CDKAL1: variants seen among roughly 807,000 people sequenced by gnomAD.
The protein encoded by CDKAL1 is CDKAL1 threonylcarbamoyladenosine tRNA methylthiotransferase, also known as threonylcarbamoyladenosine tRNA methylthiotransferase.
CDKAL1 carries 32 observed loss-of-function variants against 68.2 expected under a neutral mutation model. The observed-to-expected ratio is 0.47, with a 90% confidence interval of 0.35 to 0.63. The LOEUF is 0.63. Among genes scored for constraint, CDKAL1 ranks in the 30% least tolerant of loss-of-function variants. The pLI is 0.00. For synonymous variants in CDKAL1, 234 were observed against 244.3 expected, an observed-to-expected ratio of 0.96 and a Z score of 0.39; for missense variants, 606 against 696.7, an observed-to-expected ratio of 0.87 and a Z score of 1.47.
At chr6:21,016,967 G>A (rs560674481) in intron 11 of CDKAL1, among the ~76,000 whole-genome samples, 17 of 152,184 alleles carry the variant, frequency 1.1e-4, no homozygotes, top group African/African-American at 3.6e-4. Context: ...AAATAAAAAC[G>A]TTGTATTTCT....
At chr6:20,677,995 A>G (rs1156348868) in intron 5 of CDKAL1, among the ~76,000 whole-genome samples, 2 of 151,548 alleles carry the variant, frequency 1.3e-5, no homozygotes, top group Admixed American at 6.6e-5. Context: ...TTTGTGATTT[A>G]TCATTTTGTG....
At chr6:21,064,379 C>A (rs562982116) in intron 11 of CDKAL1, among the ~76,000 whole-genome samples, 1 of 152,252 alleles carries the variant, frequency 6.6e-6, no homozygotes, top group Non-Finnish European at 1.5e-5. Flanking sequence ...GCAACACACA[C>A]CTGAAAGGAG....
chr6:21,165,202 T>C (rs1777103303), intron 13 of CDKAL1, among the ~76,000 whole-genome samples: 1 of 152,242 alleles, frequency 6.6e-6, no homozygotes, highest in Non-Finnish European at 1.5e-5. Flanking sequence ...GACCATTTTG[T>C]TGTTATTAAA....
At chr6:21,064,934 G>A in intron 11 of CDKAL1, 114 bp from the exon 12 acceptor site, 1 of 646,762 alleles carries the variant, frequency 1.5e-6, no homozygotes, top group Non-Finnish European at 2.4e-6. Context: ...TTGCACGTGT[G>A]CTTTTTATAA....
rs2150773090 is a variant in CDKAL1, at chr6:20,980,522, C to T, written c.910-19705C>T. Among the ~76,000 whole-genome samples, 2 of 152,306 alleles carry T rather than the reference C, an allele frequency of 1.3e-5. 1 individual carries two copies. The highest frequency in any genetic ancestry group is 4.1e-4 in the South Asian group (2 of 4,828). On this transcript the variant is annotated intron_variant, in intron 10 of 15. Coordinates refer to ENST00000274695, the MANE Select transcript of CDKAL1 (RefSeq NM_017774.3). ...AAAGTGCTGGGATTACAGGCTTGAG[C>T]CACCGTCCTCCAAATATTTTTAAGA...
At chr6:20,609,500 A>G (rs1333400741) in intron 4 of CDKAL1, among the ~76,000 whole-genome samples, 1 of 149,672 alleles carries the variant, frequency 6.7e-6, no homozygotes, top group Non-Finnish European at 1.5e-5. Context: ...GGTTCAAGTG[A>G]TTCTCCTGCC....
intron 9 of CDKAL1, among the ~76,000 whole-genome samples, chr6:20,918,641 T>G (rs1325645888): frequency 6.6e-6 from 1 of 152,218 alleles, no homozygotes; most frequent in African/African-American, 2.4e-5. Flanking sequence ...TTCTAAACAT[T>G]TTTAAGGCAT....
intron 4 of CDKAL1, among the ~76,000 whole-genome samples, chr6:20,586,438 G>A (rs887185363): frequency 1.3e-5 from 2 of 152,162 alleles, no homozygotes; most frequent in Admixed American, 1.3e-4. Flanking sequence ...AGGAGTTCGA[G>A]AACAGCCTGG....
At chr6:20,745,996 T>A (rs1219324213) in intron 6 of CDKAL1, among the ~76,000 whole-genome samples, 4 of 152,244 alleles carry the variant, frequency 2.6e-5, no homozygotes, top group Non-Finnish European at 4.4e-5. Flanking sequence ...TATTCTGATG[T>A]CCCAAACACT....
At chr6:20,715,617 T>A (rs187328170) in intron 5 of CDKAL1, among the ~76,000 whole-genome samples, 10 of 152,348 alleles carry the variant, frequency 6.6e-5, no homozygotes, top group African/African-American at 1.9e-4. Flanking sequence ...TTTTAATTTC[T>A]GTGGGCACCT....
intron 9 of CDKAL1, among the ~76,000 whole-genome samples, chr6:20,849,167 C>T (rs1026765453): frequency 6.6e-6 from 1 of 152,132 alleles, no homozygotes; most frequent in Non-Finnish European, 1.5e-5. Flanking sequence ...TGCTTACCAG[C>T]CACATGATGT....
At chr6:20,653,872 A>G (rs760255024) in intron 5 of CDKAL1, among the ~76,000 whole-genome samples, 3 of 152,030 alleles carry the variant, frequency 2.0e-5, no homozygotes, top group Non-Finnish European at 4.4e-5. Context: ...CGGCCTCCCA[A>G]AGTGCTGGGA....
chr6:20,647,781 G>A (rs1768547529), intron 4 of CDKAL1, among the ~76,000 whole-genome samples: 1 of 152,122 alleles, frequency 6.6e-6, no homozygotes, highest in African/African-American at 2.4e-5. Context: ...AGGCACTCTG[G>A]CTGCTGGGTG....
intron 12 of CDKAL1, among the ~76,000 whole-genome samples, chr6:21,074,048 A>G (rs1771936620): frequency 1.3e-5 from 2 of 152,208 alleles, no homozygotes; most frequent in African/African-American, 4.8e-5. Context: ...GCTCTTTATT[A>G]AACCTCTTTG....
At chr6:21,062,496 AG>A (rs1191453084) in intron 11 of CDKAL1, among the ~76,000 whole-genome samples, 2 of 152,198 alleles carry the variant, frequency 1.3e-5, no homozygotes, top group African/African-American at 4.8e-5. Context: ...TTACCTTTAA[AG>A]AAAAAAATAT....
chr6:21,191,360 A>G (rs1002900426), intron 13 of CDKAL1, among the ~76,000 whole-genome samples: 4 of 151,940 alleles, frequency 2.6e-5, no homozygotes, highest in Non-Finnish European at 4.4e-5. Flanking sequence ...AACTTCAGGC[A>G]CTTGGGAAAT....
intron 4 of CDKAL1, among the ~76,000 whole-genome samples, chr6:20,553,105 T>G (rs1763896935): frequency 6.6e-6 from 1 of 152,204 alleles, no homozygotes; most frequent in South Asian, 2.1e-4. Flanking sequence ...TCAAAATTAG[T>G]TCTCAGTAGT....
chr6:20,577,797 A>G lies in CDKAL1; in HGVS notation c.286+29092A>G, dbSNP rs150032685. 1.6e-3 allele frequency among the ~76,000 whole-genome samples: 251 copies of G among 152,336 alleles called. 2 individuals carry two copies. In the South Asian group the frequency reaches 0.02, roughly 12 times the overall value. ...TCTCTGCTCACACAGCTGCTGGTCTATTTAATAAAAACATTGCTGTTTTGA... is the reference window on the plus strand; with the variant it reads ...TCTCTGCTCACACAGCTGCTGGTCTGTTTAATAAAAACATTGCTGTTTTGA... On this transcript the variant is annotated intron_variant, in intron 4 of 15. Transcript: ENST00000274695.
At chr6:21,169,519 C>T (rs7763700) in intron 13 of CDKAL1, among the ~76,000 whole-genome samples, 11,511 of 152,172 alleles carry the variant, frequency 0.076, 1,038 homozygotes, top group African/African-American at 0.22. Flanking sequence ...ACCTGTAATC[C>T]CAGCTACTTG....
Sources: gnomAD v4.1 joint callset for allele counts (sites outside exome capture counted in the v4.1 genomes callset) on GRCh38, gnomAD v4.1.1 for gene constraint, MANE v1.5 for transcripts, NCBI Gene and HGNC (gene_info 2026-07-23, HGNC 2026-07-21) for gene names.